OSBPL7: variants seen among roughly 807,000 people sequenced by gnomAD.
OSBPL7 encodes oxysterol-binding protein-related protein 7.
OSBPL7 carries 66 observed loss-of-function variants against 115.8 expected under a neutral mutation model. That is an observed-to-expected ratio of 0.57 (90% CI 0.47 to 0.70). The LOEUF (loss-of-function observed/expected upper bound fraction) is 0.70. Ranked by LOEUF, OSBPL7 falls within the 30% of genes least tolerant of loss-of-function variation. The probability of loss-of-function intolerance (pLI) is 0.00; values close to 1 mark genes in which losing one functional copy is unlikely to be tolerated. For missense variants in OSBPL7, 902 were observed against 1,125.5 expected, an observed-to-expected ratio of 0.80 and a Z score of 2.84; for synonymous variants, 441 against 439.2, an observed-to-expected ratio of 1.00 and a Z score of -0.05.
intron 14 of OSBPL7, among the ~76,000 whole-genome samples, chr17:47,814,099 C>T (rs1264817844): frequency 6.6e-6 from 1 of 152,240 alleles, no homozygotes; most frequent in East Asian, 1.9e-4. Context: ...CCAGGAGCCC[C>T]TCCCGAGTCC....
At position 47,813,788 on chromosome 17, in the gene OSBPL7, G is replaced by C; in HGVS notation, c.1398C>G (p.Cys466Trp). Reference protein sequence around the residue: ...GRPMGPPRRRCLPAASGPGAD... With the variant: ...GRPMGPPRRRWLPAASGPGAD... ...CCCCAGGCCCGCTGGCCGCCGGCAG[G>C]CAGCGACGGCGGGGTGGCCCCATGG... is the stretch of plus-strand genomic sequence containing the variant. Residue 466 changes from cysteine to tryptophan, a missense_variant, in exon 15 of 23, where the codon TGC becomes TGG. Cys to Trp is a radical substitution (Grantham distance 215). Transcript: ENST00000007414. The C allele has an allele frequency of 6.2e-7, 1 of 1,612,618 alleles. No individual in the cohort carries two copies. Among genetic ancestry groups the C allele is most frequent in the East Asian group, 2.2e-5 (1 of 44,866 alleles).
chr17:47,819,648 C>A (rs907185555), intron 4 of OSBPL7, 81 bp downstream of exon 4: 6 of 1,539,694 alleles, frequency 3.9e-6, no homozygotes, highest in Non-Finnish European at 5.4e-6. Context: ...CTGCTCTGGT[C>A]GATTCCAGAT....
At position 47,816,871 on chromosome 17, in the gene OSBPL7, G is replaced by T; in HGVS notation, c.704C>A (p.Ala235Asp). 2.5e-6 allele frequency: 4 copies of T among 1,613,918 alleles called. No homozygotes were observed. The highest frequency in any genetic ancestry group is 2.5e-6 in the Non-Finnish European group (3 of 1,180,024). ...CTTGGGTCTTTCGGTTGTCACTGAG[G>T]CCTGGCAAGTCAAGGTGGGGGCAAT... ...PSAPVIPTHQ[A>D]SVTTERPKKG... is the part of the protein sequence containing the mutation. Residue 235 changes from alanine to aspartate, a missense_variant and splice_region_variant, in exon 9 of 23, where the codon GCC (alanine) becomes GAC (aspartate). Physicochemically the swap from Ala to Asp is moderately radical, Grantham distance 126. This residue lies in a region of OSBPL7 where 667 missense variants were observed against 788.7 expected (regional missense o/e 0.85). Transcript: ENST00000007414. The surrounding 1 kb of genome is among the most constrained non-coding windows in gnomAD (Gnocchi z 5.8).
At chr17:47,819,809 AC>A in intron 3 of OSBPL7, 27 bp from the exon 4 acceptor site, 1 of 1,613,992 alleles carries the variant, frequency 6.2e-7, no homozygotes, top group Non-Finnish European at 8.5e-7. Context: ...GAGTGACAGG[AC>A]CCGGGAGGCC....
At position 47,818,509 on chromosome 17, in the gene OSBPL7, C is replaced by T; in HGVS notation, c.477G>A (p.Arg159=). 1 of 1,597,668 alleles carries T rather than the reference C, an allele frequency of 6.3e-7. No individual in the cohort carries two copies. The highest frequency in any genetic ancestry group is 8.5e-7 in the Non-Finnish European group (1 of 1,170,672). The change falls in exon 6 of 23, where the codon CGG becomes CGA. Residue 159 remains arginine (R), a synonymous_variant. Coordinates refer to ENST00000007414, the MANE Select transcript of OSBPL7 (RefSeq NM_145798.3). ...CCCACCCCAGGGTCCACCTTACCTTCCGGTGAGCAGTACTGGGCAGTGAGC... is the reference window on the plus strand; with the variant it reads ...CCCACCCCAGGGTCCACCTTACCTTTCGGTGAGCAGTACTGGGCAGTGAGC... The part of the protein sequence containing the change: ...PRGSLPSTAH[R]KVPGAQLPTA...
At chr17:47,817,887 C>T (rs1232402463) in intron 7 of OSBPL7, among the ~76,000 whole-genome samples, 1 of 152,118 alleles carries the variant, frequency 6.6e-6, no homozygotes, top group Non-Finnish European at 1.5e-5. Flanking sequence ...GGGATGTGCT[C>T]ACCCTCTCTC....
In OSBPL7 at chr17:47,807,949, G is replaced by T; in HGVS notation, c.*342C>A. On this transcript the variant is annotated 3_prime_UTR_variant, in exon 23 of 23. Transcript: ENST00000007414. ...GCGTCAAGGAGTCCCCTGTGTCCTA[G>T]GAAGGCACTGAAATAGGGAACAGAT... is the stretch of plus-strand genomic sequence containing the variant. 2 of 330,102 alleles carry T rather than the reference G, an allele frequency of 6.1e-6. No individual in the cohort carries two copies. The highest frequency in any genetic ancestry group is 1.2e-5 in the Non-Finnish European group (2 of 172,148). 20.4% of individuals were successfully genotyped at this position (330,102 alleles called of 1,614,324 possible).
intron 14 of OSBPL7, 42 bp downstream of exon 14, chr17:47,814,479 A>AGCCCCCCCCCCCCCCC: frequency 2.8e-6 from 3 of 1,086,688 alleles, no homozygotes; most frequent in Admixed American, 1.7e-5. Context: ...CTGTTTTTCC[A>AGCCCCCCCCCCCCCCC]CCCGCCTCCC....
Position 47,819,064 on chromosome 17 carries a change from G to C in OSBPL7, c.291C>G (p.Val97=), listed in dbSNP as rs147791705. The C allele has an allele frequency of 2.9e-5, 46 of 1,613,958 alleles. No homozygotes were observed. The highest frequency in any genetic ancestry group is 3.8e-5 in the Non-Finnish European group (45 of 1,179,994). ...TKGKLHGSID[V]RLSVMSINKK... is the part of the protein sequence containing the mutation. ...TGTTGATGGACATGACCGACAGCCGGACATCGATGGAGCCATGGAGCTTCC... is the reference window on the plus strand; with the variant it reads ...TGTTGATGGACATGACCGACAGCCGCACATCGATGGAGCCATGGAGCTTCC... The change falls in exon 5 of 23, where the codon GTC becomes GTG. Residue 97 remains valine, a synonymous_variant. Coordinates refer to ENST00000007414, the MANE Select transcript of OSBPL7 (RefSeq NM_145798.3).
rs1187355254 is a variant in OSBPL7 at position 47,814,513 on chromosome 17, G to A, written c.1351+8C>T. On this transcript the variant is annotated splice_region_variant and intron_variant, in intron 14 of 22. Transcript: ENST00000007414. ...CCACCCCTCCCTGCCTGCCCACCCA[G>A]CTGGCACCTTTCTGACAGCGCTCAG... The A allele has an allele frequency of 1.5e-6, 1 of 666,440 alleles. No individual in the cohort carries two copies. The highest frequency in any genetic ancestry group is 5.7e-5 in the East Asian group (1 of 17,538). The allele number at this position is 666,440 out of a possible 1,614,324, so 41.3% of individuals were successfully genotyped here. A position where few individuals can be genotyped will look rare whatever the true frequency, so the allele number is the denominator to read the frequency against.
rs1453118364 is a variant in OSBPL7, at chr17:47,807,406, T to C, written c.*885A>G. Reference sequence around the variant, plus strand: ...GTCTTTATTGGAGCTTGGAATGTCATAGCAATTCGCCCTCATCAGAGGCAG... The same window carrying C: ...GTCTTTATTGGAGCTTGGAATGTCACAGCAATTCGCCCTCATCAGAGGCAG... On this transcript the variant is annotated 3_prime_UTR_variant, in exon 23 of 23. Transcript: ENST00000007414. 6.6e-6 allele frequency: 1 copy of C among 152,602 alleles called. No homozygotes were observed. The highest frequency in any genetic ancestry group is 1.9e-4 in the East Asian group (1 of 5,188). The allele number at this position is 152,602 out of a possible 1,614,324, so 9.5% of individuals were successfully genotyped here.
At position 47,816,824 on chromosome 17, in the gene OSBPL7, T is replaced by C; in HGVS notation, c.751A>G (p.Met251Val). 1 of 1,614,084 alleles carries C rather than the reference T, an allele frequency of 6.2e-7. No individual in the cohort carries two copies. The highest frequency in any genetic ancestry group is 2.2e-5 in the East Asian group (1 of 44,860). Reference sequence around the variant, plus strand: ...TTGGCAAAGCTCTGGGTGCACCACATGCGGCTTGTCCGTTTCCCCTTCTTG... The same window carrying C: ...TTGGCAAAGCTCTGGGTGCACCACACGCGGCTTGTCCGTTTCCCCTTCTTG... ...RPKKGKRTSRMWCTQSFAKDD... is the reference protein window; with the variant it reads ...RPKKGKRTSRVWCTQSFAKDD... The change falls in exon 9 of 23, where the codon ATG (methionine) becomes GTG (valine). Residue 251 changes from methionine to valine, a missense_variant. This residue lies in a region of OSBPL7 where 667 missense variants were observed against 788.7 expected (regional missense o/e 0.85). Coordinates refer to ENST00000007414, the MANE Select transcript of OSBPL7 (RefSeq NM_145798.3). The surrounding 1 kb of genome is among the most constrained non-coding windows in gnomAD (Gnocchi z 5.8).
At position 47,819,972 on chromosome 17, in the gene OSBPL7, T is replaced by A; in HGVS notation, c.200A>T (p.Lys67Met). Reference sequence around the variant, plus strand: ...CCTCCCTTTGCCTGCCCACCCTACCTTGTGCCAGCCCTTCAGAGGCCACTT... The same window carrying A: ...CCTCCCTTTGCCTGCCCACCCTACCATGTGCCAGCCCTTCAGAGGCCACTT... ...KRKWPLKGWH[K>M]RYFVLEDGIL... is the part of the protein sequence containing the mutation. The change falls in exon 3 of 23, where the codon AAG becomes ATG. Residue 67 changes from lysine (K) to methionine (M), a missense_variant and splice_region_variant. Lys to Met is a moderately conservative substitution (Grantham distance 95, BLOSUM62 -1). Transcript: ENST00000007414. The A allele has an allele frequency of 7.8e-7, 1 of 1,280,558 alleles. No homozygotes were observed. The highest frequency in any genetic ancestry group is 1.0e-6 in the Non-Finnish European group (1 of 987,858). 79.3% of individuals were successfully genotyped at this position (1,280,558 alleles called of 1,614,324 possible). A position where few individuals can be genotyped will look rare whatever the true frequency, so the allele number is the denominator to read the frequency against.
chr17:47,816,146 G>T lies in OSBPL7; in HGVS notation c.1080C>A (p.Asp360Glu). Residue 360 changes from aspartate (D) to glutamate (E), a missense_variant, in exon 12 of 23, where the codon GAC (aspartate) becomes GAA (glutamate). By Grantham distance (45) the Asp-to-Glu change is conservative. Transcript: ENST00000007414. The surrounding 1 kb of genome is among the most constrained non-coding windows in gnomAD (Gnocchi z 5.8). ...RRLHSLSTSS[D>E]TTADSFSSLN... is the part of the protein sequence containing the mutation. ...GGGAGCTGAAAGAGTCCGCCGTGGT[G>T]TCGGAGGAGGTGGACAGTGAGTGGA... 1 of 1,551,206 alleles carries T rather than the reference G, an allele frequency of 6.4e-7. No individual in the cohort carries two copies. Among genetic ancestry groups the T allele is most frequent in the African/African-American group, 1.4e-5 (1 of 73,146 alleles).
At chr17:47,817,028 A>T in intron 8 of OSBPL7, 156 bp from the exon 9 acceptor site, 1 of 768,822 alleles carries the variant, frequency 1.3e-6, no homozygotes, top group Non-Finnish European at 2.2e-6. Flanking sequence ...GGCGACAGAG[A>T]CAACTGACAT....
chr17:47,817,446 ATGGCGTGATC>A (rs1300579051), intron 7 of OSBPL7, 87 bp from the exon 8 acceptor site: 1 of 917,670 alleles, frequency 1.1e-6, no homozygotes, highest in East Asian at 2.8e-5. Flanking sequence ...CTAGAGTGGA[ATGGCGTGATC>A]TCGGCTCACT....
At chr17:47,814,803 T>G in intron 13 of OSBPL7, 189 bp from the exon 14 acceptor site, 1 of 610,336 alleles carries the variant, frequency 1.6e-6, no homozygotes, top group Non-Finnish European at 2.9e-6. Flanking sequence ...CCCAGCCACC[T>G]TGGGAAGGGG....
At chr17:47,809,911 CTTT>C (rs1159738939) in intron 18 of OSBPL7, among the ~76,000 whole-genome samples, 5 of 46,694 alleles carry the variant, frequency 1.1e-4, no homozygotes, top group Non-Finnish European at 2.1e-4. Flanking sequence ...CTTTTCTTTT[CTTT>C]TTTTTTTTTT....
intron 16 of OSBPL7, 63 bp from the exon 17 acceptor site, chr17:47,810,898 C>T: frequency 6.6e-7 from 1 of 1,512,606 alleles, no homozygotes; most frequent in Middle Eastern, 1.7e-4. Context: ...CCCCAAAGTC[C>T]CTTATTCCCA....
Sources: gnomAD v4.1 joint callset for allele counts (sites outside exome capture counted in the v4.1 genomes callset) on GRCh38, gnomAD v4.1.1 for gene constraint, gnomAD v4.1.1 regional missense constraint, Gnocchi (gnomAD v3.1) non-coding constraint, MANE v1.5 for transcripts, NCBI Gene and HGNC (gene_info 2026-07-23, HGNC 2026-07-21) for gene names.